Variants in UBL3 observed in about 807,000 individuals in gnomAD.
The protein encoded by UBL3 is ubiquitin-like protein 3.
In UBL3, 6 loss-of-function variants were observed where a neutral mutation model predicts 18.4. The observed-to-expected ratio is 0.33, with a 90% confidence interval of 0.18 to 0.64. UBL3 has a LOEUF of 0.64. Among genes scored for constraint, UBL3 ranks in the 30% least tolerant of loss-of-function variants. The pLI is 0.76. For synonymous variants in UBL3, 49 were observed against 46.6 expected (o/e 1.05, Z -0.21); for missense variants, 109 against 142.9 (o/e 0.76, Z 1.21).
In UBL3 at chr13:29,835,102, ATATAAATATATATATAT is replaced by A. The variant is rs1878894543; in HGVS notation, c.27+14393_27+14409del. On this transcript the variant is annotated intron_variant, in intron 1 of 4. Coordinates refer to ENST00000380680, the MANE Select transcript of UBL3 (RefSeq NM_007106.4). ...TATATAAATATAAATATATATATAT[ATATAAATATATATATAT>A]ATATAAATATATATATATATATATA... Among the ~76,000 whole-genome samples the A allele has an allele frequency of 2.9e-3, 83 of 28,828 alleles. 3 individuals are homozygous for A. Among genetic ancestry groups the A allele is most frequent in the Non-Finnish European group, 2.9e-3 (56 of 19,570 alleles). The allele number at this position is 28,828 out of a possible 152,430, so 18.9% of individuals were successfully genotyped here.
chr13:29,849,883 G>A lies in UBL3; in HGVS notation c.-345C>T. 1 of 450,840 alleles carries A rather than the reference G, an allele frequency of 2.2e-6. No individual in the cohort carries two copies. The allele number at this position is 450,840 out of a possible 1,614,324, so 27.9% of individuals were successfully genotyped here. ...ACACGGACATGGAGAGGGGTGGGAG[G>A]GGGTTAAATGCGCCTTCCTCCTTTC... On this transcript the variant is annotated 5_prime_UTR_variant, in exon 1 of 5. Coordinates refer to ENST00000380680, the MANE Select transcript of UBL3 (RefSeq NM_007106.4).
intron 1 of UBL3, among the ~76,000 whole-genome samples, chr13:29,838,716 G>A (rs1879020201): frequency 6.6e-6 from 1 of 152,066 alleles, no homozygotes; most frequent in African/African-American, 2.4e-5. Context: ...AAAACAAAAT[G>A]GAAGGGAAAG....
chr13:29,821,008 T>C (rs1878420363), intron 1 of UBL3, among the ~76,000 whole-genome samples: 1 of 152,236 alleles, frequency 6.6e-6, no homozygotes. Context: ...AAAATCTCCA[T>C]GTTTCAGCTT....
intron 1 of UBL3, among the ~76,000 whole-genome samples, chr13:29,838,772 G>A (rs1050516650): frequency 2.0e-5 from 3 of 152,138 alleles, no homozygotes; most frequent in African/African-American, 7.2e-5. Flanking sequence ...TTGCAAAACT[G>A]TAAATTCAAA....
intron 1 of UBL3, among the ~76,000 whole-genome samples, chr13:29,834,387 A>G (rs928305241): frequency 6.6e-6 from 1 of 152,000 alleles, no homozygotes; most frequent in Non-Finnish European, 1.5e-5. Flanking sequence ...TCAAATATAT[A>G]TAATTATAAT....
intron 1 of UBL3, among the ~76,000 whole-genome samples, chr13:29,834,805 C>CA (rs755852333): frequency 6.6e-6 from 1 of 151,556 alleles, no homozygotes; most frequent in Non-Finnish European, 1.5e-5. Context: ...TCCAAGAACA[C>CA]AAAAAAGGCT....
intron 1 of UBL3, among the ~76,000 whole-genome samples, chr13:29,806,345 A>G (rs1335443275): frequency 2.6e-5 from 4 of 152,218 alleles, no homozygotes; most frequent in Admixed American, 6.5e-5. Flanking sequence ...TGATTGACTT[A>G]CTTTTACATT....
chr13:29,767,659 T>G lies in UBL3; in HGVS notation c.260A>C (p.His87Pro). Residue 87 changes from histidine (H) to proline (P), a missense_variant, in exon 4 of 5, where the codon CAT becomes CCT. Physicochemically the swap from His to Pro is moderately conservative, Grantham distance 77 (BLOSUM62 -2). Coordinates refer to ENST00000380680, the MANE Select transcript of UBL3 (RefSeq NM_007106.4). ...KLPFGKTTVM[H>P]LVARETLPEP... ...TGGTAATGTCTCTCTGGCCACCAAA[T>G]GCATCACTGTTGTTTTGCCAAAAGG... 6.2e-7 allele frequency: 1 copy of G among 1,613,110 alleles called. No individual in the cohort carries two copies. Among genetic ancestry groups the G allele is most frequent in the Non-Finnish European group, 8.5e-7 (1 of 1,179,258 alleles).
At position 29,764,665 on chromosome 13, in the gene UBL3, C is replaced by T. The variant is rs554766475; in HGVS notation, c.*2590G>A. The T allele has an allele frequency of 1.3e-5, 2 of 152,192 alleles. No individual in the cohort carries two copies. The highest frequency in any genetic ancestry group is 4.8e-5 in the African/African-American group (2 of 41,518). 9.4% of individuals were successfully genotyped at this position (152,192 alleles called of 1,614,324 possible). On this transcript the variant is annotated 3_prime_UTR_variant, in exon 5 of 5. Coordinates refer to ENST00000380680, the MANE Select transcript of UBL3 (RefSeq NM_007106.4). ...AGGTTTTAATAAAGAAAAGCTTGGC[C>T]TTGTCCAGAACACTTAACAAAGTTC...
intron 1 of UBL3, among the ~76,000 whole-genome samples, chr13:29,839,114 A>C (rs1317417871): frequency 6.6e-6 from 1 of 152,236 alleles, no homozygotes; most frequent in African/African-American, 2.4e-5. Flanking sequence ...CAATGTTAAC[A>C]CAAGTTTCTC....
intron 1 of UBL3, among the ~76,000 whole-genome samples, chr13:29,809,657 A>G (rs1877987867): frequency 6.6e-6 from 1 of 152,102 alleles, no homozygotes; most frequent in African/African-American, 2.4e-5. Context: ...AGTTGAGATG[A>G]CAAAAGCCTG....
At chr13:29,777,583 T>C in intron 1 of UBL3, 1 of 377,686 alleles carries the variant, frequency 2.6e-6, no homozygotes, top group Non-Finnish European at 5.3e-6. Flanking sequence ...TTATCACTAT[T>C]ATTATAGAAT....
At chr13:29,768,200 T>C (rs1220013001) in intron 3 of UBL3, among the ~76,000 whole-genome samples, 1 of 152,082 alleles carries the variant, frequency 6.6e-6, no homozygotes, top group Non-Finnish European at 1.5e-5. Context: ...AGAACTTTCT[T>C]AAAAAGATTA....
intron 1 of UBL3, among the ~76,000 whole-genome samples, chr13:29,812,064 T>A (rs1034662428): frequency 3.3e-5 from 5 of 152,022 alleles, no homozygotes; most frequent in African/African-American, 4.8e-5. Context: ...ATCTAAATCT[T>A]ATCAATTTGT....
intron 2 of UBL3, 118 bp downstream of exon 2, chr13:29,777,037 A>C: frequency 1.4e-6 from 1 of 728,004 alleles, no homozygotes; most frequent in Non-Finnish European, 2.1e-6. Flanking sequence ...TCTGAGCCTT[A>C]TACTCTCAAT....
chr13:29,798,464 T>C (rs1289920081), intron 1 of UBL3, among the ~76,000 whole-genome samples: 1 of 152,158 alleles, frequency 6.6e-6, no homozygotes, highest in African/African-American at 2.4e-5. Context: ...AGACAAGATC[T>C]CTAATAAGCC....
chr13:29,821,194 A>C (rs1300450767), intron 1 of UBL3, among the ~76,000 whole-genome samples: 8 of 152,028 alleles, frequency 5.3e-5, no homozygotes, highest in African/African-American at 9.7e-5. Context: ...CTAAGTACCA[A>C]AAAAGCTTTG....
intron 1 of UBL3, among the ~76,000 whole-genome samples, chr13:29,793,006 G>A (rs1466272394): frequency 6.6e-6 from 1 of 152,138 alleles, no homozygotes; most frequent in Non-Finnish European, 1.5e-5. Context: ...TTAAAAAGCA[G>A]AATGCTCATA....
At chr13:29,779,370 C>A in intron 1 of UBL3, 1 of 293,712 alleles carries the variant, frequency 3.4e-6, no homozygotes. Context: ...CCTAGTAGTT[C>A]AGCCACTTGT....
Sources: gnomAD v4.1 joint callset for allele counts (sites outside exome capture counted in the v4.1 genomes callset) on GRCh38, gnomAD v4.1.1 for gene constraint, MANE v1.5 for transcripts, NCBI Gene and HGNC (gene_info 2026-07-23, HGNC 2026-07-21) for gene names.